The following PRKCSH variants were observed in gnomAD, a reference collection of about 807,000 sequenced individuals.
PRKCSH encodes PRKCSH beta subunit of glucosidase II.
A neutral mutation model predicts 79.7 loss-of-function variants in PRKCSH; 42 were observed. The observed-to-expected ratio is 0.53, with a 90% CI of 0.41 to 0.68. The LOEUF (loss-of-function observed/expected upper bound fraction) is 0.68. PRKCSH is among the 30% of genes least tolerant of loss of function. The probability of loss-of-function intolerance (pLI) is 0.00; values close to 1 mark genes in which losing one functional copy is unlikely to be tolerated. For missense variants in PRKCSH, 686 were observed against 709.0 expected, an observed-to-expected ratio of 0.97 and a Z score of 0.37; for synonymous variants, 325 against 288.2, an observed-to-expected ratio of 1.13 and a Z score of -1.29.
chr19:11,447,070 A>G lies in PRKCSH; in HGVS notation c.763-4A>G, dbSNP rs978621926. 1 of 1,613,758 alleles carries G rather than the reference A, an allele frequency of 6.2e-7. No homozygotes were observed. The highest frequency in any genetic ancestry group is 1.3e-5 in the African/African-American group (1 of 75,008). On this transcript the variant is annotated splice_polypyrimidine_tract_variant and splice_region_variant and intron_variant, in intron 9 of 17. Transcript: ENST00000677123. The surrounding 1 kb of genome is among the most constrained non-coding windows in gnomAD (Gnocchi z 5.6). ...GATCTTGACACCACCCCCAACACACACAGGCCCTCCTCAGTGGGGACACAC... is the reference window on the plus strand; with the variant it reads ...GATCTTGACACCACCCCCAACACACGCAGGCCCTCCTCAGTGGGGACACAC...
rs1344583145 is a variant in PRKCSH at position 11,447,865 on chromosome 19, TCC to T, written c.1126+77_1126+78del. 1.5e-5 allele frequency: 22 copies of T among 1,444,674 alleles called. No homozygotes were observed. Among genetic ancestry groups the T allele is most frequent in the Non-Finnish European group, 1.4e-5 (15 of 1,073,502 alleles). 89.5% of individuals were successfully genotyped at this position (1,444,674 alleles called of 1,614,324 possible). A position where few individuals can be genotyped will look rare whatever the true frequency, so the allele number is the denominator to read the frequency against. ...CGTGGTGGCACAGGTCGAGGGAAGA[TCC>T]TGAGCTTAGACCCTGCTCTGACTCG... On this transcript the variant is annotated intron_variant, in intron 12 of 17. Transcript: ENST00000677123. This position sits in a 1 kb window ranked among gnomAD's most constrained non-coding sequence, Gnocchi z 5.6.
At position 11,438,123 on chromosome 19, in the gene PRKCSH, A is replaced by C. The variant is rs746717003; in HGVS notation, c.349A>C (p.Lys117Gln). ...CGGCGTCATCTGTGAGAACACCTGC[A>C]AGTACGTGGGTGACAGTACCCCTCC... Reference protein sequence around the residue: ...NSGVICENTCKEKGRKERESL... With the variant: ...NSGVICENTCQEKGRKERESL... Residue 117 changes from lysine (K) to glutamine (Q), a missense_variant and splice_region_variant, in exon 5 of 18, where the codon AAA becomes CAA. This residue lies in a region of PRKCSH where 549 missense variants were observed against 520.2 expected (regional missense o/e 1.06). Transcript: ENST00000677123. 1.2e-5 allele frequency: 19 copies of C among 1,613,950 alleles called. No individual in the cohort carries two copies. In the Admixed American group the frequency reaches 3.2e-4, roughly 27 times the overall value.
chr19:11,440,374 G>C (rs1291588311), intron 5 of PRKCSH, among the ~76,000 whole-genome samples: 1 of 151,656 alleles, frequency 6.6e-6, no homozygotes, highest in South Asian at 2.1e-4. Context: ...GGATGGTCTC[G>C]ATCTCCTGAC....
Position 11,448,449 on chromosome 19 carries a change from C to T in PRKCSH, c.1197-91C>T. 6.8e-7 allele frequency: 1 copy of T among 1,464,108 alleles called. No homozygotes were observed. Among genetic ancestry groups the T allele is most frequent in the Admixed American group, 1.7e-5 (1 of 58,468 alleles). The allele number at this position is 1,464,108 out of a possible 1,614,324, so 90.7% of individuals were successfully genotyped here. A position where few individuals can be genotyped will look rare whatever the true frequency, so the allele number is the denominator to read the frequency against. ...GTGGCAGGGAGGACAGCCTGGGCAC[C>T]ATTGCTCAGCCAGACCCTCCTGTGT... On this transcript the variant is annotated intron_variant, in intron 13 of 17. Coordinates refer to ENST00000677123, the MANE Select transcript of PRKCSH (RefSeq NM_001289104.2). This position sits in a 1 kb window ranked among gnomAD's most constrained non-coding sequence, Gnocchi z 4.4.
Position 11,435,723 on chromosome 19 carries a change from G to A in PRKCSH, c.-78+17G>A, listed in dbSNP as rs746837219. On this transcript the variant is annotated intron_variant, in intron 1 of 17. Coordinates refer to ENST00000677123, the MANE Select transcript of PRKCSH (RefSeq NM_001289104.2). ...CGGCCTCGTGTAGGTGTGAACGAGC[G>A]GGTGGGAGGGCACCTCAGTTTCTTA... The A allele has an allele frequency of 7.5e-7, 1 of 1,333,178 alleles. No individual in the cohort carries two copies. Among genetic ancestry groups the A allele is most frequent in the South Asian group, 1.2e-5 (1 of 81,418 alleles). 82.6% of individuals were successfully genotyped at this position (1,333,178 alleles called of 1,614,324 possible). A position where few individuals can be genotyped will look rare whatever the true frequency, so the allele number is the denominator to read the frequency against.
chr19:11,447,557 A>C lies in PRKCSH; in HGVS notation c.968A>C (p.Glu323Ala). Reference sequence around the variant, plus strand: ...GAGGAGGAGGAGGAGGAGGAGGAGGAAGAAGAGGCTGAAGAAGAGGAGGAG... The same window carrying C: ...GAGGAGGAGGAGGAGGAGGAGGAGGCAGAAGAGGCTGAAGAAGAGGAGGAG... ...EEEEEEEEEEEEEAEEEEEEE... is the reference protein window; with the variant it reads ...EEEEEEEEEEAEEAEEEEEEE... Residue 323 changes from glutamate to alanine, a missense_variant, in exon 11 of 18, where the codon GAA becomes GCA. Physicochemically the swap from Glu to Ala is moderately radical, Grantham distance 107. Transcript: ENST00000677123. The surrounding 1 kb of genome is among the most constrained non-coding windows in gnomAD (Gnocchi z 5.6). 1 of 1,600,052 alleles carries C rather than the reference A, an allele frequency of 6.2e-7. No individual in the cohort carries two copies. Among genetic ancestry groups the C allele is most frequent in the East Asian group, 2.2e-5 (1 of 44,524 alleles).
chr19:11,440,404 G>A (rs160910), intron 5 of PRKCSH, among the ~76,000 whole-genome samples: 71 of 150,782 alleles, frequency 4.7e-4, no homozygotes, highest in African/African-American at 1.7e-3. Context: ...TGCCCGCCTC[G>A]GTCTCCCAAA....
rs951000205 is a variant in PRKCSH at position 11,445,694 on chromosome 19, G to A, written c.683+221G>A. ...GGGGACCACCCTCTCCCCAGGAGCT[G>A]GGCACAGACCCTCAGCCTCAGGGAG... is the stretch of plus-strand genomic sequence containing the variant. On this transcript the variant is annotated intron_variant, in intron 8 of 17. Transcript: ENST00000677123. The A allele has an allele frequency of 6.5e-6, 4 of 617,480 alleles. No individual in the cohort carries two copies. The African/African-American group carries it at 7.2e-5, about 11-fold the overall frequency. 38.3% of individuals were successfully genotyped at this position (617,480 alleles called of 1,614,324 possible). A position where few individuals can be genotyped will look rare whatever the true frequency, so the allele number is the denominator to read the frequency against.
At chr19:11,439,179 C>T (rs1038035237) in intron 5 of PRKCSH, among the ~76,000 whole-genome samples, 18 of 152,090 alleles carry the variant, frequency 1.2e-4, no homozygotes, top group East Asian at 1.9e-4. Context: ...AGTGCTAAGC[C>T]GCCGCGCTTG....
In PRKCSH at chr19:11,438,173, C is replaced by T. The variant is rs545984701; in HGVS notation, c.350+49C>T. ...CCATCACCCCACCCCAAGACTTTGCCTGGCTCCACCCAGTGAATCGGGCCC... is the reference window on the plus strand; with the variant it reads ...CCATCACCCCACCCCAAGACTTTGCTTGGCTCCACCCAGTGAATCGGGCCC... On this transcript the variant is annotated intron_variant, in intron 5 of 17. Coordinates refer to ENST00000677123, the MANE Select transcript of PRKCSH (RefSeq NM_001289104.2). The T allele has an allele frequency of 2.5e-6, 4 of 1,597,908 alleles. No individual in the cohort carries two copies. The South Asian group carries it at 3.3e-5, about 13-fold the overall frequency.
intron 7 of PRKCSH, among the ~76,000 whole-genome samples, chr19:11,444,637 T>C (rs1445523470): frequency 3.3e-5 from 5 of 152,218 alleles, no homozygotes; most frequent in African/African-American, 7.2e-5. Flanking sequence ...AAGTTAATCA[T>C]TGGAGCCGCT....
At chr19:11,437,059 G>A (rs1969793125) in intron 3 of PRKCSH, among the ~76,000 whole-genome samples, 5 of 151,562 alleles carry the variant, frequency 3.3e-5, no homozygotes, top group South Asian at 2.1e-4. Context: ...GTTTTGAGAC[G>A]GAGTCTTGCT....
chr19:11,450,484 A>T (rs4804598), intron 17 of PRKCSH, 162 bp from the exon 18 acceptor site: 74,918 of 151,184 alleles, frequency 0.5, 19,032 homozygotes, highest in African/African-American at 0.59. Context: ...CAAAAAAAAA[A>T]AATAATAATA....
chr19:11,445,622 C>G (rs903214002), intron 8 of PRKCSH, 149 bp downstream of exon 8: 7 of 785,368 alleles, frequency 8.9e-6, no homozygotes, highest in Non-Finnish European at 1.1e-5. Flanking sequence ...GACCCCGCCT[C>G]TTACTCGTGG....
At position 11,448,759 on chromosome 19, in the gene PRKCSH, T is replaced by G; in HGVS notation, c.1286+130T>G. On this transcript the variant is annotated intron_variant, in intron 14 of 17. Transcript: ENST00000677123. This position sits in a 1 kb window ranked among gnomAD's most constrained non-coding sequence, Gnocchi z 4.4. The stretch of plus-strand genomic sequence containing the variant: ...GGGCCCGAGAGTGCTGCCTTCCATA[T>G]TGAGGGGGAGCAGAAGCCAGGGGCC... The G allele has an allele frequency of 1.5e-6, 2 of 1,304,794 alleles. No individual in the cohort carries two copies. Among genetic ancestry groups the G allele is most frequent in the Non-Finnish European group, 2.2e-6 (2 of 905,900 alleles). The allele number at this position is 1,304,794 out of a possible 1,614,324, so 80.8% of individuals were successfully genotyped here.
intron 3 of PRKCSH, 60 bp downstream of exon 3, chr19:11,436,565 C>T (rs1568359918): frequency 7.4e-7 from 1 of 1,354,770 alleles, no homozygotes; most frequent in Non-Finnish European, 1.0e-6. Context: ...GTGCCAGGCC[C>T]TGTCTGTGTG....
chr19:11,437,524 C>T (rs1320399195), intron 3 of PRKCSH, among the ~76,000 whole-genome samples: 2 of 150,710 alleles, frequency 1.3e-5, no homozygotes, highest in African/African-American at 2.4e-5. Context: ...GCTAATTTTT[C>T]GTATTTTTAG....
chr19:11,438,202 C>T (rs778165920), intron 5 of PRKCSH, 78 bp downstream of exon 5: 1 of 1,468,612 alleles, frequency 6.8e-7, no homozygotes. Context: ...CGGGCCCACT[C>T]TCTCTTCTGC....
chr19:11,441,440 T>A, intron 6 of PRKCSH, 83 bp downstream of exon 6: 1 of 1,253,838 alleles, frequency 8.0e-7, no homozygotes, highest in South Asian at 1.2e-5. Context: ...GGGAGGGGTT[T>A]GCCCCTGACT....
Sources: allele counts gnomAD v4.1 joint callset (sites outside exome capture counted in the v4.1 genomes callset), GRCh38; gene constraint gnomAD v4.1.1; regional missense constraint gnomAD v4.1.1; non-coding constraint Gnocchi (gnomAD v3.1); transcripts MANE v1.5; gene names NCBI Gene and HGNC (gene_info 2026-07-23, HGNC 2026-07-21).